FOXP2: variants seen among roughly 807,000 people sequenced by gnomAD.
The protein encoded by FOXP2 is forkhead box protein P2.
In FOXP2, 12 loss-of-function variants were observed where a neutral mutation model predicts 115.8. The ratio of observed to expected loss-of-function variants is 0.10; its 90% CI spans 0.07 to 0.17. The LOEUF is 0.17. Among genes scored for constraint, FOXP2 ranks in the 10% least tolerant of loss-of-function variants. The pLI, the probability that FOXP2 is intolerant of heterozygous loss-of-function variation, is 1.00. For missense variants in FOXP2, 629 were observed against 843.5 expected (o/e 0.75, Z 3.15); for synonymous variants, 328 against 297.7 (o/e 1.10, Z -1.05).
intron 6 of FOXP2, among the ~76,000 whole-genome samples, chr7:114,640,943 C>A (rs1017406150): frequency 2.0e-5 from 3 of 152,112 alleles, no homozygotes; most frequent in Admixed American, 2.0e-4. Context: ...GTGAGGTTAA[C>A]TAAGATTATA....
At chr7:114,224,242 G>C (rs1207281059) in intron 1 of FOXP2, among the ~76,000 whole-genome samples, 2 of 151,986 alleles carry the variant, frequency 1.3e-5, no homozygotes, top group East Asian at 3.9e-4. Flanking sequence ...AATTGTCTTG[G>C]CTATTCCAAG....
chr7:114,569,453 G>A (rs542202740), intron 3 of FOXP2, among the ~76,000 whole-genome samples: 2 of 152,008 alleles, frequency 1.3e-5, no homozygotes, highest in Non-Finnish European at 2.9e-5. Flanking sequence ...GAGAAAATTG[G>A]AGTTAACCTC....
chr7:114,288,791 A>G (rs1197806060), intron 2 of FOXP2, among the ~76,000 whole-genome samples: 2 of 151,832 alleles, frequency 1.3e-5, no homozygotes, highest in Non-Finnish European at 2.9e-5. Context: ...GTTTGTCATG[A>G]GTATCCAAAT....
chr7:114,297,036 G>T, intron 2 of FOXP2: 3 of 317,036 alleles, frequency 9.5e-6, no homozygotes, highest in Admixed American at 4.3e-5. Flanking sequence ...TTACTTTTTA[G>T]TTATATCCAC....
chr7:114,536,118 C>G (rs984281166), intron 3 of FOXP2, among the ~76,000 whole-genome samples: 1 of 151,420 alleles, frequency 6.6e-6, no homozygotes, highest in African/African-American at 2.4e-5. Context: ...AAATGTTTAT[C>G]CTCACTATGG....
At chr7:114,334,931 C>CTATCTATATATATA (rs1797807926) in intron 2 of FOXP2, among the ~76,000 whole-genome samples, 1 of 119,334 alleles carries the variant, frequency 8.4e-6, no homozygotes, top group South Asian at 2.8e-4. Context: ...ATATAGAAAT[C>CTATCTATATATATA]TATATATATA....
At chr7:114,187,923 C>G (rs1009002067) in intron 1 of FOXP2, among the ~76,000 whole-genome samples, 4 of 152,080 alleles carry the variant, frequency 2.6e-5, no homozygotes, top group African/African-American at 9.7e-5. Flanking sequence ...TAAACTCACC[C>G]TTTTTTAATA....
chr7:114,176,288 CTT>C (rs1491540588), intron 1 of FOXP2, among the ~76,000 whole-genome samples: 26 of 42,188 alleles, frequency 6.2e-4, no homozygotes, highest in South Asian at 2.7e-3. Flanking sequence ...TTCTTTCTTT[CTT>C]TCTTTCTTTC....
At chr7:114,424,523 A>G (rs777180450) in intron 1 of FOXP2, among the ~76,000 whole-genome samples, 3 of 151,530 alleles carry the variant, frequency 2.0e-5, no homozygotes, top group Non-Finnish European at 3.0e-5. Flanking sequence ...ATTTTCATAT[A>G]ACTAGTAAAG....
chr7:114,668,011 T>C (rs1396626565), intron 16 of FOXP2: 3 of 151,766 alleles, frequency 2.0e-5, no homozygotes, highest in African/African-American at 7.3e-5. Context: ...AAGATGAAAA[T>C]TGGGAAAATT....
chr7:114,658,313 AAACTGT>A (rs1198391993), intron 11 of FOXP2, 46 bp downstream of exon 11: 1 of 1,583,386 alleles, frequency 6.3e-7, no homozygotes, highest in Non-Finnish European at 8.7e-7. Context: ...TGGGAGAGGA[AAACTGT>A]AGCTGAATCA....
rs762586918 is a variant in FOXP2, at chr7:114,693,527, G to C, written c.*3601G>C. 1.3e-5 allele frequency: 6 copies of C among 452,964 alleles called. No individual in the cohort carries two copies. Among genetic ancestry groups the C allele is most frequent in the South Asian group, 9.3e-5 (6 of 64,254 alleles). 28.1% of individuals were successfully genotyped at this position (452,964 alleles called of 1,614,324 possible). ...GCTTTATTAAGTCTATAAAGCTATT[G>C]AAAGGAACATGGCTTACCCTTGTTA... On this transcript the variant is annotated 3_prime_UTR_variant, in exon 17 of 17. Coordinates refer to ENST00000350908, the MANE Select transcript of FOXP2 (RefSeq NM_014491.4).
At chr7:114,291,317 C>G (rs1394198427) in intron 2 of FOXP2, among the ~76,000 whole-genome samples, 1 of 152,070 alleles carries the variant, frequency 6.6e-6, no homozygotes, top group Non-Finnish European at 1.5e-5. Flanking sequence ...AGGGCTCCAT[C>G]TTCATGGCCT....
intron 3 of FOXP2, among the ~76,000 whole-genome samples, chr7:114,559,759 G>A (rs1415803849): frequency 6.6e-6 from 1 of 151,884 alleles, no homozygotes; most frequent in African/African-American, 2.4e-5. Flanking sequence ...CGTGGTGGCC[G>A]GCGCCTGTAG....
At chr7:114,578,873 G>C (rs577628503) in intron 3 of FOXP2, among the ~76,000 whole-genome samples, 1 of 152,214 alleles carries the variant, frequency 6.6e-6, no homozygotes, top group African/African-American at 2.4e-5. Context: ...TGAAATTCCA[G>C]ACTGTAGATT....
At chr7:114,458,495 A>G (rs190214044) in intron 2 of FOXP2, among the ~76,000 whole-genome samples, 8 of 145,544 alleles carry the variant, frequency 5.5e-5, no homozygotes, top group African/African-American at 1.8e-4. Flanking sequence ...TTTTAATCAT[A>G]TTTCAGTATT....
At chr7:114,374,861 T>A (rs568133933) in intron 2 of FOXP2, among the ~76,000 whole-genome samples, 2 of 152,314 alleles carry the variant, frequency 1.3e-5, no homozygotes, top group South Asian at 4.1e-4. Context: ...GCCAAATGCA[T>A]AGAACTGGCA....
intron 2 of FOXP2, among the ~76,000 whole-genome samples, chr7:114,295,059 A>G (rs12666035): frequency 6.6e-6 from 1 of 151,880 alleles, no homozygotes; most frequent in Non-Finnish European, 1.5e-5. Flanking sequence ...TTTAAATGAG[A>G]GTTTATGTTT....
chr7:114,113,404 T>C (rs993273586), intron 1 of FOXP2, among the ~76,000 whole-genome samples: 3 of 152,200 alleles, frequency 2.0e-5, no homozygotes, highest in African/African-American at 7.2e-5. Context: ...TTTTTAGAGA[T>C]GAGTTCTCAC....
Sources: gnomAD v4.1 joint callset for allele counts (sites outside exome capture counted in the v4.1 genomes callset) on GRCh38, gnomAD v4.1.1 for gene constraint, MANE v1.5 for transcripts, NCBI Gene and HGNC (gene_info 2026-07-23, HGNC 2026-07-21) for gene names.